The following VPS18 variants were observed in gnomAD, a reference collection of about 807,000 sequenced individuals.
VPS18 encodes the protein VPS18 core subunit of CORVET and HOPS complexes, also known as vacuolar protein sorting-associated protein 18 homolog.
In VPS18, 25 loss-of-function variants were observed where a neutral mutation model predicts 82.0. The ratio of observed to expected loss-of-function variants is 0.30; its 90% CI spans 0.22 to 0.43. VPS18 has a LOEUF of 0.43. Ranked by LOEUF, VPS18 falls within the 20% of genes least tolerant of loss-of-function variation. VPS18 has a pLI of 1.00. For missense variants in VPS18, 1,168 were observed against 1,311.1 expected, an observed-to-expected ratio of 0.89 and a Z score of 1.69; for synonymous variants, 523 against 543.0, an observed-to-expected ratio of 0.96 and a Z score of 0.51.
chr15:40,898,783 T>G, intron 2 of VPS18, 124 bp from the exon 3 acceptor site: 1 of 1,070,010 alleles, frequency 9.3e-7, no homozygotes, highest in Non-Finnish European at 1.4e-6. Context: ...GTATTCAGCA[T>G]TTTATGCATA....
In VPS18 at chr15:40,900,116, G is replaced by C. The variant is rs763646620; in HGVS notation, c.1298G>C (p.Cys433Ser). ...DTVLAREADFCFRQRRYLESA... is the reference protein window; with the variant it reads ...DTVLAREADFSFRQRRYLESA... ...GTCCTGGCCCGGGAGGCCGATTTCT[G>C]CTTTCGCCAGCGTCGCTACCTGGAG... The change falls in exon 4 of 5, where the codon TGC becomes TCC. Residue 433 changes from cysteine to serine, a missense_variant. Coordinates refer to ENST00000220509, the MANE Select transcript of VPS18 (RefSeq NM_020857.3). This position sits in a 1 kb window ranked among gnomAD's most constrained non-coding sequence, Gnocchi z 5.4. The C allele has an allele frequency of 6.2e-7, 1 of 1,613,830 alleles. No individual in the cohort carries two copies. Among genetic ancestry groups the C allele is most frequent in the South Asian group, 1.1e-5 (1 of 91,088 alleles).
intron 2 of VPS18, among the ~76,000 whole-genome samples, chr15:40,896,608 C>T (rs557607436): frequency 3.3e-5 from 5 of 151,328 alleles, no homozygotes; most frequent in African/African-American, 7.3e-5. Context: ...GTCAGGAGTT[C>T]GACACCAGCC....
At chr15:40,898,535 A>G (rs1892275413) in intron 2 of VPS18, 1 of 319,832 alleles carries the variant, frequency 3.1e-6, no homozygotes, top group Admixed American at 4.5e-5. Flanking sequence ...ACAGTGGTGT[A>G]GTCTCAGCTC....
rs1468450621 is a variant in VPS18, at chr15:40,899,032, C to G, written c.325+34C>G. The G allele has an allele frequency of 6.2e-7, 1 of 1,612,270 alleles. No individual in the cohort carries two copies. The highest frequency in any genetic ancestry group is 1.7e-5 in the Admixed American group (1 of 59,860). ...CAGTGGAGATCTGAGGAGGGGGTCT[C>G]TGGTCAGTCACTGCCTGGGTGGGTG... On this transcript the variant is annotated intron_variant, in intron 3 of 4. Transcript: ENST00000220509. The surrounding 1 kb of genome is among the most constrained non-coding windows in gnomAD (Gnocchi z 4.4).
In VPS18 at chr15:40,899,955, G is replaced by C. The variant is rs765918228; in HGVS notation, c.1137G>C (p.Trp379Cys). The change falls in exon 4 of 5, where the codon TGG (tryptophan) becomes TGC (cysteine). Residue 379 changes from tryptophan (W) to cysteine (C), a missense_variant. Around this residue, in one of 3 missense-constraint regions of VPS18, gnomAD observed 868 missense variants for 939.8 expected, o/e 0.92. Coordinates refer to ENST00000220509, the MANE Select transcript of VPS18 (RefSeq NM_020857.3). This position sits in a 1 kb window ranked among gnomAD's most constrained non-coding sequence, Gnocchi z 4.4. ...AGGACTCCTCCACAGGCCAGCTGTG[G>C]GCCTACACTGAGCGGGCTGTCTTCC... ...MVKDSSTGQL[W>C]AYTERAVFRY... 6.2e-7 allele frequency: 1 copy of C among 1,613,790 alleles called. No individual in the cohort carries two copies. Among genetic ancestry groups the C allele is most frequent in the Non-Finnish European group, 8.5e-7 (1 of 1,180,050 alleles).
chr15:40,895,896 G>A lies in VPS18; in HGVS notation c.92-42G>A, dbSNP rs376752267. On this transcript the variant is annotated intron_variant, in intron 1 of 4. Transcript: ENST00000220509. ...TTCTGCCTCTCCTTGCCCTTCACCT[G>A]TCTCTTCCACAGCTAATCTTCTTGT... is the stretch of plus-strand genomic sequence containing the variant. The A allele has an allele frequency of 7.4e-6, 12 of 1,612,038 alleles. No individual in the cohort carries two copies. The African/African-American group carries it at 1.5e-4, about 20-fold the overall frequency.
chr15:40,894,528 G>T lies in VPS18; in HGVS notation c.-241G>T, dbSNP rs547932652. Reference sequence around the variant, plus strand: ...AGCCTGTGATTTTTTTGTAGCGGGGGCGGGGAGTAAGGTGCAAGACTGCGC... The same window carrying T: ...AGCCTGTGATTTTTTTGTAGCGGGGTCGGGGAGTAAGGTGCAAGACTGCGC... On this transcript the variant is annotated 5_prime_UTR_variant, in exon 1 of 5. Coordinates refer to ENST00000220509, the MANE Select transcript of VPS18 (RefSeq NM_020857.3). 1 of 393,874 alleles carries T rather than the reference G, an allele frequency of 2.5e-6. No homozygotes were observed. Among genetic ancestry groups the T allele is most frequent in the East Asian group, 3.8e-5 (1 of 26,560 alleles). 24.4% of individuals were successfully genotyped at this position (393,874 alleles called of 1,614,324 possible). A position where few individuals can be genotyped will look rare whatever the true frequency, so the allele number is the denominator to read the frequency against.
chr15:40,896,161 T>C (rs1442002943), intron 2 of VPS18, 82 bp downstream of exon 2: 1 of 1,564,660 alleles, frequency 6.4e-7, no homozygotes, highest in Non-Finnish European at 8.7e-7. Flanking sequence ...TTTCTTCTAT[T>C]CCAGGCAAGT....
rs778738778 is a variant in VPS18 at position 40,903,100 on chromosome 15, G to A, written c.2681G>A (p.Arg894Gln). 2.4e-5 allele frequency: 39 copies of A among 1,613,440 alleles called. No homozygotes were observed. The highest frequency in any genetic ancestry group is 3.1e-5 in the Non-Finnish European group (36 of 1,179,728). Residue 894 changes from arginine (R) to glutamine (Q), a missense_variant, in exon 5 of 5, where the codon CGG (arginine) becomes CAG (glutamine). This residue lies in a region of VPS18 where 296 missense variants were observed against 354.0 expected (regional missense o/e 0.84). Transcript: ENST00000220509. ...GGCCTGCCAGCCTACAAGCAGGCCC[G>A]GCTGGAGGAGCTGCAGAGGAAGCTG... ...RPGLPAYKQARLEELQRKLGA... is the reference protein window; with the variant it reads ...RPGLPAYKQAQLEELQRKLGA...
Position 40,900,047 on chromosome 15 carries a change from T to G in VPS18, c.1229T>G (p.Leu410Arg). ...RTYLDMNRFDLAKEYCRERPD... is the reference protein window; with the variant it reads ...RTYLDMNRFDRAKEYCRERPD... ...TATCTGGACATGAACCGCTTCGATC[T>G]GGCCAAAGAGTATTGTCGAGAGCGG... The change falls in exon 4 of 5, where the codon CTG becomes CGG. Residue 410 changes from leucine to arginine, a missense_variant. This residue lies in a region of VPS18 where 868 missense variants were observed against 939.8 expected (regional missense o/e 0.92). Transcript: ENST00000220509. The surrounding 1 kb of genome is among the most constrained non-coding windows in gnomAD (Gnocchi z 5.4). 6.2e-7 allele frequency: 1 copy of G among 1,613,894 alleles called. No homozygotes were observed. The highest frequency in any genetic ancestry group is 8.5e-7 in the Non-Finnish European group (1 of 1,179,982).
At position 40,899,389 on chromosome 15, in the gene VPS18, C is replaced by G; in HGVS notation, c.571C>G (p.Arg191Gly). The change falls in exon 4 of 5, where the codon CGC becomes GGC. Residue 191 changes from arginine (R) to glycine (G), a missense_variant. Coordinates refer to ENST00000220509, the MANE Select transcript of VPS18 (RefSeq NM_020857.3). This position sits in a 1 kb window ranked among gnomAD's most constrained non-coding sequence, Gnocchi z 4.4. The part of the protein sequence containing the change: ...LFGPAPDLYF[R>G]PLYVLNEEGG... ...CGGCCCTGCTCCGGATCTCTACTTC[C>G]GCCCATTGTACGTGCTAAATGAAGA... 1 of 1,608,202 alleles carries G rather than the reference C, an allele frequency of 6.2e-7. No homozygotes were observed. The highest frequency in any genetic ancestry group is 8.5e-7 in the Non-Finnish European group (1 of 1,175,432).
At position 40,899,767 on chromosome 15, in the gene VPS18, G is replaced by C. The variant is rs200336682; in HGVS notation, c.949G>C (p.Gly317Arg). The C allele has an allele frequency of 2.1e-4, 331 of 1,613,232 alleles. 3 individuals are homozygous for C. In the East Asian group the frequency reaches 3.0e-3, roughly 15 times the overall value. ...SEERVWEYPE[G>R]VGPGASPPLA... ...GGAGCGAGTCTGGGAGTACCCAGAG[G>C]GGGTAGGGCCTGGGGCCAGCCCACC... Residue 317 changes from glycine (G) to arginine (R), a missense_variant, in exon 4 of 5, where the codon GGG becomes CGG. Physicochemically the swap from Gly to Arg is moderately radical, Grantham distance 125. This residue lies in a region of VPS18 where 868 missense variants were observed against 939.8 expected (regional missense o/e 0.92). Transcript: ENST00000220509. This position sits in a 1 kb window ranked among gnomAD's most constrained non-coding sequence, Gnocchi z 4.4.
At position 40,894,849 on chromosome 15, in the gene VPS18, C is replaced by T. The variant is rs988350776; in HGVS notation, c.81C>T (p.Ile27=). ...VLQPGCPSVG[I]PHSGYVNAQL... ...AGCCCGGCTGCCCTAGCGTGGGCATCCCCCACTCGGGTAAGGAAGAGGAGG... is the reference window on the plus strand; with the variant it reads ...AGCCCGGCTGCCCTAGCGTGGGCATTCCCCACTCGGGTAAGGAAGAGGAGG... Residue 27 remains isoleucine, a synonymous_variant, in exon 1 of 5, where the codon ATC becomes ATT. Transcript: ENST00000220509. 3.2e-6 allele frequency: 5 copies of T among 1,552,668 alleles called. No individual in the cohort carries two copies. The African/African-American group carries it at 5.5e-5, about 17-fold the overall frequency.
Position 40,899,014 on chromosome 15 carries a change from G to C in VPS18, c.325+16G>C. 6.2e-7 allele frequency: 1 copy of C among 1,613,794 alleles called. No homozygotes were observed. The highest frequency in any genetic ancestry group is 1.3e-5 in the African/African-American group (1 of 75,038). ...GACCATACTGGTAAGTAACAGTGGA[G>C]ATCTGAGGAGGGGGTCTCTGGTCAG... On this transcript the variant is annotated intron_variant, in intron 3 of 4. Coordinates refer to ENST00000220509, the MANE Select transcript of VPS18 (RefSeq NM_020857.3). This position sits in a 1 kb window ranked among gnomAD's most constrained non-coding sequence, Gnocchi z 4.4.
rs1892196076 is a variant in VPS18, at chr15:40,894,640, G to A, written c.-129G>A. 7.6e-6 allele frequency: 6 copies of A among 793,564 alleles called. No individual in the cohort carries two copies. The South Asian group carries it at 1.2e-4, about 16-fold the overall frequency. The allele number at this position is 793,564 out of a possible 1,614,324, so 49.2% of individuals were successfully genotyped here. A position where few individuals can be genotyped will look rare whatever the true frequency, so the allele number is the denominator to read the frequency against. The stretch of plus-strand genomic sequence containing the variant: ...TCAGGATTTTAAAGAGGAGGCGACG[G>A]CTGCAGGTTCCCAGGATCTGTCAGA... On this transcript the variant is annotated 5_prime_UTR_variant, in exon 1 of 5. Coordinates refer to ENST00000220509, the MANE Select transcript of VPS18 (RefSeq NM_020857.3).
chr15:40,900,918 G>C lies in VPS18; in HGVS notation c.2100G>C (p.Ala700=). ...GGGTGCATTACGACCTCAAGTATGC[G>C]CTGCGGCTCTGCGCCGAGCATGGCC... The part of the protein sequence containing the change: ...PHRVHYDLKY[A]LRLCAEHGHH... The change falls in exon 4 of 5, where the codon GCG becomes GCC. Residue 700 remains alanine (A), a synonymous_variant. Coordinates refer to ENST00000220509, the MANE Select transcript of VPS18 (RefSeq NM_020857.3). The surrounding 1 kb of genome is among the most constrained non-coding windows in gnomAD (Gnocchi z 5.4). The C allele has an allele frequency of 1.2e-6, 2 of 1,613,692 alleles. No homozygotes were observed. The highest frequency in any genetic ancestry group is 1.7e-6 in the Non-Finnish European group (2 of 1,180,040).
chr15:40,903,478 C>G lies in VPS18; in HGVS notation c.*137C>G. ...CCACGTTGACGGGAGTAGAGTAGCG[C>G]TGTTGGCCAGGAGGTGTCAGGTGTG... On this transcript the variant is annotated 3_prime_UTR_variant, in exon 5 of 5. Coordinates refer to ENST00000220509, the MANE Select transcript of VPS18 (RefSeq NM_020857.3). 5.5e-6 allele frequency: 7 copies of G among 1,265,572 alleles called. No individual in the cohort carries two copies. Among genetic ancestry groups the G allele is most frequent in the Non-Finnish European group, 7.3e-6 (7 of 955,522 alleles). 78.4% of individuals were successfully genotyped at this position (1,265,572 alleles called of 1,614,324 possible).
Position 40,894,758 on chromosome 15 carries a change from G to A in VPS18, c.-11G>A. ...CCAGGCCCCGGACAAAGAGCCCAGA[G>A]GCCGGGCACCATGGCGTCCATCCTG... On this transcript the variant is annotated 5_prime_UTR_variant, in exon 1 of 5. Coordinates refer to ENST00000220509, the MANE Select transcript of VPS18 (RefSeq NM_020857.3). The A allele has an allele frequency of 6.5e-7, 1 of 1,546,044 alleles. No individual in the cohort carries two copies. The highest frequency in any genetic ancestry group is 2.5e-5 in the East Asian group (1 of 40,294).
At position 40,899,256 on chromosome 15, in the gene VPS18, T is replaced by A. The variant is rs1371423136; in HGVS notation, c.438T>A (p.Gly146=). 1 of 1,614,126 alleles carries A rather than the reference T, an allele frequency of 6.2e-7. No individual in the cohort carries two copies. The highest frequency in any genetic ancestry group is 2.2e-5 in the East Asian group (1 of 44,884). Residue 146 remains glycine, a synonymous_variant, in exon 4 of 5, where the codon GGT becomes GGA. Coordinates refer to ENST00000220509, the MANE Select transcript of VPS18 (RefSeq NM_020857.3). This position sits in a 1 kb window ranked among gnomAD's most constrained non-coding sequence, Gnocchi z 4.4. ...AGGGGCAGCTGGTGGAGAGTGTGGGTTGGAACAAGGCACTGGGCACGGAGA... is the reference window on the plus strand; with the variant it reads ...AGGGGCAGCTGGTGGAGAGTGTGGGATGGAACAAGGCACTGGGCACGGAGA... ...RWKGQLVESV[G]WNKALGTESS...
Sources: gnomAD v4.1 joint callset for allele counts (sites outside exome capture counted in the v4.1 genomes callset) on GRCh38, gnomAD v4.1.1 for gene constraint, gnomAD v4.1.1 regional missense constraint, Gnocchi (gnomAD v3.1) non-coding constraint, MANE v1.5 for transcripts, NCBI Gene and HGNC (gene_info 2026-07-23, HGNC 2026-07-21) for gene names.